Variants in SCN3A observed in about 807,000 individuals in gnomAD.
SCN3A encodes the protein sodium channel protein type 3 subunit alpha.
A neutral mutation model predicts 187.6 loss-of-function variants in SCN3A; 60 were observed. The ratio of observed to expected loss-of-function variants is 0.32; its 90% CI spans 0.26 to 0.40. The LOEUF is 0.40. Ranked by LOEUF, SCN3A falls within the 10% of genes least tolerant of loss-of-function variation. The probability of loss-of-function intolerance (pLI) is 1.00; values close to 1 mark genes in which losing one functional copy is unlikely to be tolerated. For synonymous variants in SCN3A, 788 were observed against 829.2 expected (o/e 0.95, Z 0.85); for missense variants, 1,601 against 2,428.2 (o/e 0.66, Z 7.16).
At chr2:165,106,656 A>C (rs907822077) in intron 21 of SCN3A, among the ~76,000 whole-genome samples, 3 of 152,242 alleles carry the variant, frequency 2.0e-5, no homozygotes, top group Non-Finnish European at 4.4e-5. Context: ...AGATTAAACA[A>C]ATTAAGCATT....
At chr2:165,144,497 T>C (rs1982213) in intron 12 of SCN3A, among the ~76,000 whole-genome samples, 32,406 of 152,078 alleles carry the variant, frequency 0.21, 3,451 homozygotes, top group East Asian at 0.31. Context: ...ACCAGTTGCT[T>C]CTTAAGCACT....
intron 10 of SCN3A, among the ~76,000 whole-genome samples, chr2:165,155,099 A>G (rs1227260187): frequency 6.6e-6 from 1 of 152,184 alleles, no homozygotes; most frequent in Non-Finnish European, 1.5e-5. Flanking sequence ...AAATTTTCAC[A>G]TCAACATCAC....
chr2:165,098,683 C>T (rs549895386), intron 22 of SCN3A, among the ~76,000 whole-genome samples: 141 of 152,174 alleles, frequency 9.3e-4, no homozygotes, highest in Non-Finnish European at 1.6e-3. Flanking sequence ...CAAAATAAGG[C>T]GGGTTGGACA....
intron 6 of SCN3A, 96 bp downstream of exon 6, chr2:165,164,296 A>G: frequency 1.3e-6 from 2 of 1,515,210 alleles, no homozygotes; most frequent in Non-Finnish European, 1.8e-6. Context: ...CTTGACTAAC[A>G]AGAAAGCTCT....
intron 5 of SCN3A, among the ~76,000 whole-genome samples, chr2:165,166,775 G>A (rs1689785085): frequency 1.3e-5 from 2 of 152,178 alleles, no homozygotes; most frequent in Non-Finnish European, 2.9e-5. Flanking sequence ...GAAAACCTGA[G>A]CAAAGTTTTC....
At chr2:165,149,471 G>C (rs565965743) in intron 11 of SCN3A, among the ~76,000 whole-genome samples, 1 of 152,070 alleles carries the variant, frequency 6.6e-6, no homozygotes, top group Non-Finnish European at 1.5e-5. Context: ...CACCGCACCC[G>C]GCCACAAACT....
Position 165,140,992 on chromosome 2 carries a change from A to G in SCN3A, c.1678T>C (p.Leu560=). 6.2e-7 allele frequency: 1 copy of G among 1,613,382 alleles called. No individual in the cohort carries two copies. Among genetic ancestry groups the G allele is most frequent in the Non-Finnish European group, 8.5e-7 (1 of 1,179,378 alleles). The change falls in exon 13 of 28, where the codon TTG becomes CTG. Residue 560 remains leucine (L), a synonymous_variant. Transcript: ENST00000283254. The surrounding 1 kb of genome is among the most constrained non-coding windows in gnomAD (Gnocchi z 4.2). ...GAAAACAGGGAGCCACGGATACTCA[A>G]GAGAGACTGCAGAGAAAGCAAAAAG... ...KKFCSPHQSL[L]SIRGSLFSPR...
At chr2:165,098,045 CT>C (rs1685442864) in intron 22 of SCN3A, among the ~76,000 whole-genome samples, 2 of 152,062 alleles carry the variant, frequency 1.3e-5, no homozygotes, top group Admixed American at 6.5e-5. Context: ...CTTTTTCCCC[CT>C]GTTAGTAAAT....
At chr2:165,141,652 A>G (rs1043218804) in intron 12 of SCN3A, among the ~76,000 whole-genome samples, 2 of 152,234 alleles carry the variant, frequency 1.3e-5, no homozygotes, top group African/African-American at 4.8e-5. Flanking sequence ...ATTTGCTAAC[A>G]GTTTCCCAAA....
rs117803067 is a variant in SCN3A, at chr2:165,185,043, A to G, written c.-51+1508T>C. Among the ~76,000 whole-genome samples, 11 of 151,306 alleles carry G rather than the reference A, an allele frequency of 7.3e-5. No individual in the cohort carries two copies. The East Asian group carries it at 2.1e-3, about 30-fold the overall frequency. ...TCTATTTCTGTTTTTCTGTACCTGGACTCAATGTCATGGCTCTGAAAAAAA... is the reference window on the plus strand; with the variant it reads ...TCTATTTCTGTTTTTCTGTACCTGGGCTCAATGTCATGGCTCTGAAAAAAA... On this transcript the variant is annotated intron_variant, in intron 2 of 27. Transcript: ENST00000283254.
chr2:165,115,714 A>G, intron 18 of SCN3A, 139 bp from the exon 19 acceptor site: 1 of 812,322 alleles, frequency 1.2e-6, no homozygotes, highest in Non-Finnish European at 2.1e-6. Flanking sequence ...TTATGTACTA[A>G]TAATTTAACA....
chr2:165,141,052 A>G (rs977054638), intron 12 of SCN3A, 54 bp from the exon 13 acceptor site: 2 of 1,113,914 alleles, frequency 1.8e-6, no homozygotes, highest in Non-Finnish European at 2.6e-6. Context: ...GAAGAACGCA[A>G]TTATTTAATA....
At chr2:165,197,097 C>A (rs1246546742) in intron 1 of SCN3A, among the ~76,000 whole-genome samples, 2 of 152,214 alleles carry the variant, frequency 1.3e-5, no homozygotes, top group East Asian at 3.9e-4. Context: ...TTAACAATTT[C>A]AAATGTAAAA....
intron 16 of SCN3A, 79 bp downstream of exon 16, chr2:165,131,164 TA>T (rs1687291324): frequency 1.2e-6 from 1 of 823,360 alleles, no homozygotes; most frequent in Admixed American, 3.5e-5. Context: ...TTAAAATTAA[TA>T]ATTATATAAA....
At chr2:165,139,282 A>T (rs922652468) in intron 14 of SCN3A, among the ~76,000 whole-genome samples, 194 bp downstream of exon 14, 3 of 152,174 alleles carry the variant, frequency 2.0e-5, no homozygotes, top group Admixed American at 2.0e-4. Flanking sequence ...TAAGGTAAGG[A>T]CCCAAGTCAA....
intron 18 of SCN3A, among the ~76,000 whole-genome samples, chr2:165,118,654 A>G (rs1686490628): frequency 2.0e-5 from 3 of 151,918 alleles, no homozygotes; most frequent in Non-Finnish European, 4.4e-5. Flanking sequence ...TGGCATGATC[A>G]TGGCTCACTG....
chr2:165,183,251 G>T (rs188778875), intron 2 of SCN3A, among the ~76,000 whole-genome samples: 34 of 152,232 alleles, frequency 2.2e-4, no homozygotes, highest in African/African-American at 7.7e-4. Flanking sequence ...AATAAATGAA[G>T]AACAGTCCCA....
chr2:165,091,693 AT>A, intron 27 of SCN3A: 1 of 311,104 alleles, frequency 3.2e-6, no homozygotes, highest in Non-Finnish European at 6.0e-6. Context: ...ATTGTTTTCT[AT>A]TTTTTAATGA....
At chr2:165,184,200 A>C (rs945482230) in intron 2 of SCN3A, among the ~76,000 whole-genome samples, 1 of 152,164 alleles carries the variant, frequency 6.6e-6, no homozygotes, top group Non-Finnish European at 1.5e-5. Context: ...ACCACTGGAC[A>C]CATTCCAAGG....
Sources: gnomAD v4.1 joint callset for allele counts (sites outside exome capture counted in the v4.1 genomes callset) on GRCh38, gnomAD v4.1.1 for gene constraint, Gnocchi (gnomAD v3.1) non-coding constraint, MANE v1.5 for transcripts, NCBI Gene and HGNC (gene_info 2026-07-23, HGNC 2026-07-21) for gene names.